PABPN1: variants seen among roughly 807,000 people sequenced by gnomAD.
PABPN1 encodes polyadenylate-binding protein 2.
Under a neutral mutation model 33.4 loss-of-function variants are expected in PABPN1, and 5 were observed. That is an observed-to-expected ratio of 0.15 (90% CI 0.08 to 0.32). The LOEUF is 0.32. Ranked by LOEUF, PABPN1 falls within the 10% of genes least tolerant of loss-of-function variation. The pLI is 1.00. For synonymous variants in PABPN1, 176 were observed against 170.6 expected (o/e 1.03, Z -0.25); for missense variants, 312 against 425.8 (o/e 0.73, Z 2.35).
At chr14:23,322,029 TAG>T in intron 1 of PABPN1, 150 bp from the exon 2 acceptor site, 1 of 889,176 alleles carries the variant, frequency 1.1e-6, no homozygotes, top group Non-Finnish European at 1.8e-6. Flanking sequence ...AGTGTTGTTC[TAG>T]AGAGGGTAGC....
At chr14:23,323,898 C>T in intron 4 of PABPN1, 67 bp from the exon 5 acceptor site, 3 of 1,538,890 alleles carry the variant, frequency 1.9e-6, no homozygotes, top group Non-Finnish European at 2.7e-6. Flanking sequence ...CGAAGCATGC[C>T]TGCAGGTTGA....
At position 23,321,888 on chromosome 14, in the gene PABPN1, G is replaced by C; in HGVS notation, c.351+68G>C. On this transcript the variant is annotated intron_variant, in intron 1 of 6. Transcript: ENST00000216727. ...CCGGGTCACTGGAGGCCCAGAGCTC[G>C]GGCGAGCGGGTGGCAGGCGGGGGGT... 6 of 1,150,896 alleles carry C rather than the reference G, an allele frequency of 5.2e-6. No homozygotes were observed. In the South Asian group the frequency reaches 6.5e-5, roughly 12 times the overall value. The allele number at this position is 1,150,896 out of a possible 1,614,324, so 71.3% of individuals were successfully genotyped here. A position where few individuals can be genotyped will look rare whatever the true frequency, so the allele number is the denominator to read the frequency against.
At chr14:23,323,816 T>G in intron 4 of PABPN1, 149 bp from the exon 5 acceptor site, 1 of 901,792 alleles carries the variant, frequency 1.1e-6, no homozygotes, top group Non-Finnish European at 1.7e-6. Flanking sequence ...TTTAAATGAT[T>G]TCGAATGATT....
chr14:23,323,428 G>A lies in PABPN1; in HGVS notation c.586G>A (p.Gly196Ser). Residue 196 changes from glycine to serine, a missense_variant, in exon 4 of 7, where the codon GGT (glycine) becomes AGT (serine). Gly to Ser is a moderately conservative substitution (Grantham distance 56). Coordinates refer to ENST00000216727, the MANE Select transcript of PABPN1 (RefSeq NM_004643.4). ...GCTGGAAGCTCACTTTCATGGCTGT[G>A]GTTCAGTCAACCGTGTTACCATACT... ...EELEAHFHGCGSVNRVTILCD... is the reference protein window; with the variant it reads ...EELEAHFHGCSSVNRVTILCD... 1 of 1,614,022 alleles carries A rather than the reference G, an allele frequency of 6.2e-7. No individual in the cohort carries two copies. Among genetic ancestry groups the A allele is most frequent in the Non-Finnish European group, 8.5e-7 (1 of 1,179,960 alleles).
At chr14:23,324,466 C>T (rs993811717) in intron 6 of PABPN1, 177 bp downstream of exon 6, 20 of 788,636 alleles carry the variant, frequency 2.5e-5, no homozygotes, top group Non-Finnish European at 4.0e-5. Flanking sequence ...AGGCCAGCCT[C>T]ATCATCTTTT....
At chr14:23,324,087 T>C in intron 5 of PABPN1, 35 bp downstream of exon 5, 1 of 1,614,182 alleles carries the variant, frequency 6.2e-7, no homozygotes. Flanking sequence ...TAGTTGTGTA[T>C]AAACTCTCCA....
At position 23,323,421 on chromosome 14, in the gene PABPN1, T is replaced by C; in HGVS notation, c.579T>C (p.His193=). Residue 193 remains histidine (H), a synonymous_variant, in exon 4 of 7, where the codon CAT becomes CAC. Transcript: ENST00000216727. Reference sequence around the variant, plus strand: ...CAGAAGAGCTGGAAGCTCACTTTCATGGCTGTGGTTCAGTCAACCGTGTTA... The same window carrying C: ...CAGAAGAGCTGGAAGCTCACTTTCACGGCTGTGGTTCAGTCAACCGTGTTA... ...ATAEELEAHF[H]GCGSVNRVTI... The C allele has an allele frequency of 6.2e-7, 1 of 1,613,976 alleles. No homozygotes were observed. Among genetic ancestry groups the C allele is most frequent in the Middle Eastern group, 1.7e-4 (1 of 5,946 alleles).
intron 6 of PABPN1, 154 bp from the exon 7 acceptor site, chr14:23,325,093 C>G: frequency 1.1e-5 from 11 of 1,011,580 alleles, no homozygotes; most frequent in Non-Finnish European, 1.4e-5. Context: ...AGGTGCGTTA[C>G]TATTTCTGGG....
rs984144565 is a variant in PABPN1 at position 23,324,896 on chromosome 14, C to T, written c.882-351C>T. 2.5e-5 allele frequency: 7 copies of T among 285,184 alleles called. No homozygotes were observed. The Admixed American group carries it at 2.8e-4, about 11-fold the overall frequency. The allele number at this position is 285,184 out of a possible 1,614,324, so 17.7% of individuals were successfully genotyped here. ...AACCTTGGCTTTTCATAAGCTCTAC[C>T]TGCCTATCCCCAGGAGTTAGGGAGG... On this transcript the variant is annotated intron_variant, in intron 6 of 6. Coordinates refer to ENST00000216727, the MANE Select transcript of PABPN1 (RefSeq NM_004643.4).
chr14:23,322,093 C>T lies in PABPN1; in HGVS notation c.352-88C>T, dbSNP rs1594988301. 3 of 1,392,912 alleles carry T rather than the reference C, an allele frequency of 2.2e-6. No individual in the cohort carries two copies. In the South Asian group the frequency reaches 3.7e-5, roughly 17 times the overall value. The allele number at this position is 1,392,912 out of a possible 1,614,324, so 86.3% of individuals were successfully genotyped here. A position where few individuals can be genotyped will look rare whatever the true frequency, so the allele number is the denominator to read the frequency against. ...GGGCGAGGGAAATGGCCGAGCATGGCTGAGGCCGCGCTCTGGCCGAGAGCA... is the reference window on the plus strand; with the variant it reads ...GGGCGAGGGAAATGGCCGAGCATGGTTGAGGCCGCGCTCTGGCCGAGAGCA... On this transcript the variant is annotated intron_variant, in intron 1 of 6. Transcript: ENST00000216727.
At position 23,325,481 on chromosome 14, in the gene PABPN1, G is replaced by T. The variant is rs1888682845; in HGVS notation, c.*195G>T. 1.4e-6 allele frequency: 1 copy of T among 703,254 alleles called. No homozygotes were observed. Among genetic ancestry groups the T allele is most frequent in the Admixed American group, 3.0e-5 (1 of 33,298 alleles). 43.6% of individuals were successfully genotyped at this position (703,254 alleles called of 1,614,324 possible). On this transcript the variant is annotated 3_prime_UTR_variant, in exon 7 of 7. Coordinates refer to ENST00000216727, the MANE Select transcript of PABPN1 (RefSeq NM_004643.4). The stretch of plus-strand genomic sequence containing the variant: ...GGAGGGACCTGCTTTGGGGAGTAGG[G>T]GAAGGCCCAGGGAGTGGGGCAGGGG...
At position 23,325,227 on chromosome 14, in the gene PABPN1, ACT is replaced by A. The variant is rs772114072; in HGVS notation, c.882-16_882-15del. ...TATCTAGTGATCACGTTAACACCTA[ACT>A]CTCCTTCTTTCTTCCAGGGGCCGGG... On this transcript the variant is annotated intron_variant, in intron 6 of 6. Coordinates refer to ENST00000216727, the MANE Select transcript of PABPN1 (RefSeq NM_004643.4). 3.1e-6 allele frequency: 5 copies of A among 1,611,676 alleles called. No homozygotes were observed. The highest frequency in any genetic ancestry group is 1.7e-5 in the Admixed American group (1 of 59,650).
rs1276316872 is a variant in PABPN1 at position 23,321,696 on chromosome 14, G to C, written c.227G>C (p.Arg76Pro). Residue 76 changes from arginine (R) to proline (P), a missense_variant, in exon 1 of 7, where the codon CGG becomes CCG. Arg to Pro is a moderately radical substitution (Grantham distance 103). Around this residue, in one of 3 missense-constraint regions of PABPN1, gnomAD observed 167 missense variants for 168.9 expected, o/e 0.99. Transcript: ENST00000216727. Reference sequence around the variant, plus strand: ...CCCGAGCCCGAAGAGGAGCCGCCCCGGCCCCGCGCCCCCCCGGGAGCTCCG... The same window carrying C: ...CCCGAGCCCGAAGAGGAGCCGCCCCCGCCCCGCGCCCCCCCGGGAGCTCCG... ...PEPEPEEEPPRPRAPPGAPGP... is the reference protein window; with the variant it reads ...PEPEPEEEPPPPRAPPGAPGP... 8 of 1,535,718 alleles carry C rather than the reference G, an allele frequency of 5.2e-6. 1 individual carries two copies. In the South Asian group the frequency reaches 9.6e-5, roughly 18 times the overall value.
chr14:23,323,197 AGGT>A, intron 3 of PABPN1, 131 bp downstream of exon 3: 1 of 1,355,240 alleles, frequency 7.4e-7, no homozygotes, highest in Non-Finnish European at 1.0e-6. Context: ...AGGAGGTTAA[AGGT>A]AATGGAATGA....
At chr14:23,322,403 T>G (rs1237025356) in intron 2 of PABPN1, 108 bp downstream of exon 2, 1 of 932,104 alleles carries the variant, frequency 1.1e-6, no homozygotes, top group East Asian at 2.6e-5. Flanking sequence ...GCTGCTTGTC[T>G]GAGCTATTAT....
chr14:23,322,860 G>C, intron 2 of PABPN1, 139 bp from the exon 3 acceptor site: 4 of 1,023,116 alleles, frequency 3.9e-6, no homozygotes, highest in Non-Finnish European at 6.2e-6. Context: ...CTCGGTTGTG[G>C]GTACAGCAGG....
chr14:23,325,713 T>C lies in PABPN1; in HGVS notation c.*427T>C, dbSNP rs1448493166. On this transcript the variant is annotated 3_prime_UTR_variant, in exon 7 of 7. Coordinates refer to ENST00000216727, the MANE Select transcript of PABPN1 (RefSeq NM_004643.4). ...CTTCCCTCCGTCTTCTCCTCGCCTTTCACAGTCCCCTCCTGCCTGCTCCTG... is the reference window on the plus strand; with the variant it reads ...CTTCCCTCCGTCTTCTCCTCGCCTTCCACAGTCCCCTCCTGCCTGCTCCTG... 2 of 170,246 alleles carry C rather than the reference T, an allele frequency of 1.2e-5. No individual in the cohort carries two copies. The highest frequency in any genetic ancestry group is 2.5e-5 in the Non-Finnish European group (2 of 78,572). 10.5% of individuals were successfully genotyped at this position (170,246 alleles called of 1,614,324 possible).
rs560262272 is a variant in PABPN1 at position 23,324,322 on chromosome 14, G to A, written c.881+33G>A. On this transcript the variant is annotated intron_variant, in intron 6 of 6. Transcript: ENST00000216727. ...TAGATGGGCTGCTCCTCTTTCCCCC[G>A]CCTCCCGTGAGCCCCGTATGCTTCC... The A allele has an allele frequency of 4.8e-5, 77 of 1,606,388 alleles. 1 individual carries two copies. In the East Asian group the frequency reaches 1.6e-3, roughly 34 times the overall value.
rs1326462457 is a variant in PABPN1, at chr14:23,321,511, G to C, written c.42G>C (p.Ala14=). ...AAAAAAAAGA[A]GGRGSGPGRR... is the part of the protein sequence containing the mutation. ...CGGCGGCAGCAGCAGCGGGGGCTGC[G>C]GGCGGTCGGGGCTCCGGGCCGGGGC... The change falls in exon 1 of 7, where the codon GCG becomes GCC. Residue 14 remains alanine (A), a synonymous_variant. Coordinates refer to ENST00000216727, the MANE Select transcript of PABPN1 (RefSeq NM_004643.4). 21 of 1,234,808 alleles carry C rather than the reference G, an allele frequency of 1.7e-5. No individual in the cohort carries two copies. In the East Asian group the frequency reaches 2.3e-4, roughly 13 times the overall value. The allele number at this position is 1,234,808 out of a possible 1,614,324, so 76.5% of individuals were successfully genotyped here. A position where few individuals can be genotyped will look rare whatever the true frequency, so the allele number is the denominator to read the frequency against.
Sources: gnomAD v4.1 joint callset for allele counts on GRCh38, gnomAD v4.1.1 for gene constraint, gnomAD v4.1.1 regional missense constraint, MANE v1.5 for transcripts, NCBI Gene and HGNC (gene_info 2026-07-23, HGNC 2026-07-21) for gene names.